ZNF423: variants seen among roughly 807,000 people sequenced by gnomAD.
ZNF423 encodes the protein Ebf-associated zinc finger protein.
In ZNF423, 12 loss-of-function variants were observed where a neutral mutation model predicts 95.8. The observed-to-expected ratio is 0.13, with a 90% confidence interval of 0.08 to 0.20. The LOEUF is 0.20. Among genes scored for constraint, ZNF423 ranks in the 10% least tolerant of loss-of-function variants. The probability of loss-of-function intolerance (pLI) is 1.00; values close to 1 mark genes in which losing one functional copy is unlikely to be tolerated. For synonymous variants in ZNF423, 749 were observed against 711.9 expected (o/e 1.05, Z -0.83); for missense variants, 1,316 against 1,737.1 (o/e 0.76, Z 4.31).
intron 5 of ZNF423, among the ~76,000 whole-genome samples, chr16:49,614,893 G>A (rs1158635138): frequency 6.6e-6 from 1 of 152,204 alleles, no homozygotes; most frequent in Non-Finnish European, 1.5e-5. Context: ...CACTTTGGGA[G>A]GCTCTGGCGG....
chr16:49,533,626 C>T (rs1968938790), intron 5 of ZNF423, among the ~76,000 whole-genome samples: 1 of 152,226 alleles, frequency 6.6e-6, no homozygotes, highest in Non-Finnish European at 1.5e-5. Flanking sequence ...AACAGGACAG[C>T]TCAGCGGACG....
intron 5 of ZNF423, among the ~76,000 whole-genome samples, chr16:49,554,087 G>A (rs1969740628): frequency 6.6e-6 from 1 of 152,120 alleles, no homozygotes; most frequent in African/African-American, 2.4e-5. Flanking sequence ...TCCTGACACT[G>A]GCACTGGGCA....
At chr16:49,808,607 A>T (rs1269519717) in intron 1 of ZNF423, among the ~76,000 whole-genome samples, 1 of 151,952 alleles carries the variant, frequency 6.6e-6, no homozygotes, top group Non-Finnish European at 1.5e-5. Context: ...AGCCCACTGG[A>T]GTTCAGCAAG....
chr16:49,754,596 T>C (rs2033690698), intron 2 of ZNF423, among the ~76,000 whole-genome samples: 1 of 152,138 alleles, frequency 6.6e-6, no homozygotes, highest in Non-Finnish European at 1.5e-5. Flanking sequence ...CTATGCCCAG[T>C]GCAAGGGATG....
Position 49,622,024 on chromosome 16 carries a change from A to G in ZNF423, c.3601+4146T>C, listed in dbSNP as rs543958361. The stretch of plus-strand genomic sequence containing the variant: ...GATATACCCTGCTCTGAAACCTTCA[A>G]TGGCTCCCTAGCGCTTAAGTCCAAG... On this transcript the variant is annotated intron_variant, in intron 5 of 7. Coordinates refer to ENST00000563137, the MANE Select transcript of ZNF423 (RefSeq NM_001379286.1). 2.6e-5 allele frequency among the ~76,000 whole-genome samples: 4 copies of G among 152,306 alleles called. No homozygotes were observed. The South Asian group carries it at 6.2e-4, about 24-fold the overall frequency.
chr16:49,574,082 C>A (rs1456702329), intron 5 of ZNF423, among the ~76,000 whole-genome samples: 1 of 152,158 alleles, frequency 6.6e-6, no homozygotes, highest in Non-Finnish European at 1.5e-5. Context: ...GCTGGAGAGT[C>A]TTTTAAAACA....
chr16:49,848,563 A>G (rs570882432), intron 1 of ZNF423, among the ~76,000 whole-genome samples: 20 of 152,244 alleles, frequency 1.3e-4, no homozygotes, highest in South Asian at 4.2e-4. Context: ...CATCAGCCCC[A>G]GCACCCCCAT....
chr16:49,672,839 CAATAA>C (rs796334305), intron 3 of ZNF423, among the ~76,000 whole-genome samples: 146 of 152,016 alleles, frequency 9.6e-4, no homozygotes, highest in African/African-American at 3.4e-3. Context: ...AAAATAAGTA[CAATAA>C]AATAAAATAA....
At chr16:49,781,223 G>GA (rs1355232306) in intron 2 of ZNF423, among the ~76,000 whole-genome samples, 1 of 148,638 alleles carries the variant, frequency 6.7e-6, no homozygotes, top group Admixed American at 6.7e-5. Context: ...CTCCAAAGGA[G>GA]AAAAAAAAAG....
intron 3 of ZNF423, among the ~76,000 whole-genome samples, chr16:49,674,576 G>A (rs145910250): frequency 3.3e-5 from 5 of 152,302 alleles, no homozygotes; most frequent in East Asian, 1.9e-4. Flanking sequence ...ACCACCAGGC[G>A]GAACAGAGAT....
At chr16:49,815,879 A>ATAT (rs1242083298) in intron 1 of ZNF423, among the ~76,000 whole-genome samples, 79 of 59,518 alleles carry the variant, frequency 1.3e-3, no homozygotes, top group Admixed American at 1.9e-3. Context: ...ACAAAAAAAA[A>ATAT]AAATATATAT....
At chr16:49,755,745 C>G (rs149129565) in intron 2 of ZNF423, among the ~76,000 whole-genome samples, 1 of 152,278 alleles carries the variant, frequency 6.6e-6, no homozygotes, top group South Asian at 2.1e-4. Context: ...ATTAGCCATT[C>G]TTAGAGTGGA....
At chr16:49,722,125 C>T (rs993030979) in intron 3 of ZNF423, among the ~76,000 whole-genome samples, 1 of 152,174 alleles carries the variant, frequency 6.6e-6, no homozygotes, top group Non-Finnish European at 1.5e-5. Context: ...TCAGAACCAC[C>T]GTCTATGCAG....
At chr16:49,495,338 G>A (rs1967120530) in intron 7 of ZNF423, among the ~76,000 whole-genome samples, 1 of 152,166 alleles carries the variant, frequency 6.6e-6, no homozygotes, top group South Asian at 2.1e-4. Flanking sequence ...CCAAGGGGAT[G>A]GCATGGGCCC....
intron 1 of ZNF423, among the ~76,000 whole-genome samples, chr16:49,814,716 A>T (rs1229165725): frequency 6.6e-6 from 1 of 151,962 alleles, no homozygotes; most frequent in Non-Finnish European, 1.5e-5. Context: ...ATTAATCCGC[A>T]ATGAGTTTAC....
chr16:49,812,837 T>C (rs1414316410), intron 1 of ZNF423, among the ~76,000 whole-genome samples: 2 of 152,156 alleles, frequency 1.3e-5, no homozygotes, highest in Non-Finnish European at 2.9e-5. Context: ...CGAATTTTCA[T>C]GTGTCTGAAC....
chr16:49,823,561 G>C (rs1418967950), intron 1 of ZNF423, among the ~76,000 whole-genome samples: 1 of 152,104 alleles, frequency 6.6e-6, no homozygotes, highest in Non-Finnish European at 1.5e-5. Flanking sequence ...ATTCTTGCTT[G>C]AGATTATGGA....
chr16:49,706,567 T>TG (rs1421294303), intron 3 of ZNF423, among the ~76,000 whole-genome samples: 1 of 152,248 alleles, frequency 6.6e-6, no homozygotes, highest in Non-Finnish European at 1.5e-5. Flanking sequence ...TTCCAGCCAC[T>TG]GGTGGGATGG....
intron 1 of ZNF423, among the ~76,000 whole-genome samples, chr16:49,796,212 A>G (rs2034496495): frequency 6.6e-6 from 1 of 151,858 alleles, no homozygotes; most frequent in African/African-American, 2.4e-5. Flanking sequence ...CTGCTCTGGG[A>G]TTGGCCACAG....
Sources: gnomAD v4.1 joint callset for allele counts (sites outside exome capture counted in the v4.1 genomes callset) on GRCh38, gnomAD v4.1.1 for gene constraint, MANE v1.5 for transcripts, NCBI Gene and HGNC (gene_info 2026-07-23, HGNC 2026-07-21) for gene names.